The following ADGRL3 variants were observed in gnomAD, a reference collection of about 807,000 sequenced individuals.
ADGRL3 encodes adhesion G protein-coupled receptor L3, also known as calcium-independent alpha-latrotoxin receptor 3.
ADGRL3 carries 62 observed loss-of-function variants against 153.5 expected under a neutral mutation model. That is an observed-to-expected ratio of 0.40 (90% CI 0.33 to 0.50). The LOEUF is 0.50. Among genes scored for constraint, ADGRL3 ranks in the 20% least tolerant of loss-of-function variants. ADGRL3 has a pLI of 0.47. For synonymous variants in ADGRL3, 710 were observed against 672.5 expected (o/e 1.06, Z -0.86); for missense variants, 1,641 against 1,859.4 (o/e 0.88, Z 2.16).
intron 1 of ADGRL3, among the ~76,000 whole-genome samples, chr4:61,355,029 GC>G (rs763104657): frequency 5.5e-4 from 83 of 152,208 alleles, no homozygotes; most frequent in Admixed American, 1.6e-3. Context: ...CTTAAAAGTA[GC>G]AATACAAAGA....
chr4:62,054,570 T>C (rs963654047), intron 25 of ADGRL3, among the ~76,000 whole-genome samples: 2 of 151,612 alleles, frequency 1.3e-5, no homozygotes, highest in Non-Finnish European at 1.5e-5. Context: ...CTTCAAAAAT[T>C]ATAGTTCAGA....
intron 5 of ADGRL3, among the ~76,000 whole-genome samples, chr4:61,670,562 T>C (rs895055503): frequency 6.6e-6 from 1 of 152,000 alleles, no homozygotes; most frequent in Admixed American, 6.6e-5. Context: ...CAAATTCTTG[T>C]CCCATGACCA....
Position 61,696,710 on chromosome 4 carries a change from C to G in ADGRL3, c.583+19775C>G, listed in dbSNP as rs1580329930. On this transcript the variant is annotated intron_variant, in intron 6 of 26. Coordinates refer to ENST00000683033, the MANE Select transcript of ADGRL3 (RefSeq NM_001387552.1). ...TTTTTTTGTGAGATGGAGTCTCGCT[C>G]TCTCGCCCAGGCTGGAGTGCAGTGG... Among the ~76,000 whole-genome samples, 4 of 128,744 alleles carry G rather than the reference C, an allele frequency of 3.1e-5. No individual in the cohort carries two copies. The South Asian group carries it at 1.0e-3, about 33-fold the overall frequency. 84.5% of individuals were successfully genotyped at this position (128,744 alleles called of 152,430 possible).
intron 16 of ADGRL3, 23 bp from the exon 17 acceptor site, chr4:61,948,077 T>C: frequency 6.3e-7 from 1 of 1,589,582 alleles, no homozygotes. Context: ...TTGTTGATTT[T>C]ATGGATTTTT....
At chr4:62,006,661 C>T in intron 21 of ADGRL3, among the ~76,000 whole-genome samples, 1 of 128,706 alleles carries the variant, frequency 7.8e-6, no homozygotes, top group African/African-American at 2.9e-5. Flanking sequence ...CTATTATTTT[C>T]TATAATAGCA....
At chr4:62,043,822 G>A (rs1729666093) in intron 24 of ADGRL3, among the ~76,000 whole-genome samples, 1 of 151,910 alleles carries the variant, frequency 6.6e-6, no homozygotes, top group East Asian at 1.9e-4. Context: ...AGAATTTTTA[G>A]TTACCTGTAA....
chr4:61,563,869 G>T (rs4449443), intron 4 of ADGRL3, among the ~76,000 whole-genome samples: 2 of 152,010 alleles, frequency 1.3e-5, no homozygotes, highest in South Asian at 4.1e-4. Flanking sequence ...TTAGCTGGGC[G>T]TGGTGGTGCG....
chr4:61,863,458 C>T (rs574004539), intron 9 of ADGRL3, among the ~76,000 whole-genome samples: 8 of 151,782 alleles, frequency 5.3e-5, no homozygotes, highest in Middle Eastern at 3.4e-3. Flanking sequence ...GGGATGGTCT[C>T]GATCTCCTGA....
intron 8 of ADGRL3, among the ~76,000 whole-genome samples, chr4:61,748,965 A>C (rs1221042884): frequency 6.6e-5 from 10 of 151,676 alleles, no homozygotes; most frequent in African/African-American, 2.4e-4. Flanking sequence ...TACTCATCTG[A>C]CAAAGGGCTA....
chr4:61,857,058 C>T (rs1391808055), intron 9 of ADGRL3, among the ~76,000 whole-genome samples: 1 of 147,814 alleles, frequency 6.8e-6, no homozygotes, highest in Non-Finnish European at 1.5e-5. Context: ...CCCTCCCTCC[C>T]TCTCTCTCTC....
rs567975456 is a variant in ADGRL3 at position 61,338,309 on chromosome 4, A to G, written c.-239-44815A>G. ...AAAAAAAGACTTCCATGACAATACA[A>G]TACAGAATCAAGGAAACATCTTTCT... On this transcript the variant is annotated intron_variant, in intron 1 of 26. Transcript: ENST00000683033. Among the ~76,000 whole-genome samples the G allele has an allele frequency of 1.8e-4, 28 of 151,952 alleles. No homozygotes were observed. In the South Asian group the frequency reaches 5.6e-3, roughly 30 times the overall value.
At position 62,051,460 on chromosome 4, in the gene ADGRL3, C is replaced by G. The variant is rs78088033; in HGVS notation, c.3814+6911C>G. ...ATATGAAATATTGATGTCCATCAATCCAGGGCAAAGGTCCTTGGCTATAAA... is the reference window on the plus strand; with the variant it reads ...ATATGAAATATTGATGTCCATCAATGCAGGGCAAAGGTCCTTGGCTATAAA... On this transcript the variant is annotated intron_variant, in intron 25 of 26. Coordinates refer to ENST00000683033, the MANE Select transcript of ADGRL3 (RefSeq NM_001387552.1). 3.1e-4 allele frequency among the ~76,000 whole-genome samples: 47 copies of G among 151,330 alleles called. No individual in the cohort carries two copies. In the East Asian group the frequency reaches 7.2e-3, roughly 23 times the overall value.
chr4:61,445,521 G>C (rs1448440246), intron 2 of ADGRL3, among the ~76,000 whole-genome samples: 1 of 152,214 alleles, frequency 6.6e-6, no homozygotes, highest in East Asian at 1.9e-4. Flanking sequence ...GAGAGAGATA[G>C]TGTTGACTTA....
At chr4:61,912,325 G>A (rs543108822) in intron 12 of ADGRL3, among the ~76,000 whole-genome samples, 5 of 152,136 alleles carry the variant, frequency 3.3e-5, no homozygotes, top group Admixed American at 6.6e-5. Flanking sequence ...TTGAAAAATG[G>A]GTTCCAAACT....
chr4:61,218,671 T>TGTGA (rs1410677556), intron 1 of ADGRL3, among the ~76,000 whole-genome samples: 1 of 152,020 alleles, frequency 6.6e-6, no homozygotes, highest in Non-Finnish European at 1.5e-5. Flanking sequence ...GTGATAAAGA[T>TGTGA]TAAACAGAAA....
chr4:61,572,285 A>C (rs1397968054), intron 4 of ADGRL3, among the ~76,000 whole-genome samples: 1 of 152,158 alleles, frequency 6.6e-6, no homozygotes, highest in Non-Finnish European at 1.5e-5. Context: ...GAAACTGATC[A>C]AGGGACCTCA....
At chr4:61,538,851 G>A (rs193000029) in intron 4 of ADGRL3, among the ~76,000 whole-genome samples, 52 of 152,300 alleles carry the variant, frequency 3.4e-4, no homozygotes, top group Middle Eastern at 3.4e-3. Context: ...GACTGGGGGT[G>A]GCTGGGGAAG....
intron 21 of ADGRL3, among the ~76,000 whole-genome samples, chr4:62,017,321 TA>T (rs1313234650): frequency 2.7e-5 from 4 of 147,720 alleles, no homozygotes; most frequent in South Asian, 2.2e-4. Context: ...AATTTTTTTT[TA>T]AAAAATGAAT....
chr4:61,933,166 A>C (rs1474223298), intron 13 of ADGRL3, among the ~76,000 whole-genome samples: 1 of 152,120 alleles, frequency 6.6e-6, no homozygotes, highest in Non-Finnish European at 1.5e-5. Context: ...GGATTTTCAG[A>C]GCATTTTTAA....
Sources: allele counts gnomAD v4.1 joint callset (sites outside exome capture counted in the v4.1 genomes callset), GRCh38; gene constraint gnomAD v4.1.1; transcripts MANE v1.5; gene names NCBI Gene and HGNC (gene_info 2026-07-23, HGNC 2026-07-21).